The following ADAMTSL1 variants were observed in gnomAD, a reference collection of about 807,000 sequenced individuals.
The protein encoded by ADAMTSL1 is ADAMTS-like protein 1.
ADAMTSL1 carries 126 observed loss-of-function variants against 201.8 expected under a neutral mutation model. The ratio of observed to expected loss-of-function variants is 0.62; its 90% CI spans 0.54 to 0.72. The LOEUF is 0.72. Among genes scored for constraint, ADAMTSL1 ranks in the 30% least tolerant of loss-of-function variants. The pLI, the probability that ADAMTSL1 is intolerant of heterozygous loss-of-function variation, is 0.00. For synonymous variants in ADAMTSL1, 1,121 were observed against 903.4 expected, an observed-to-expected ratio of 1.24 and a Z score of -4.32; for missense variants, 2,679 against 2,277.8, an observed-to-expected ratio of 1.18 and a Z score of -3.59.
intron 7 of ADAMTSL1, among the ~76,000 whole-genome samples, chr9:18,644,977 T>C (rs1827699387): frequency 1.3e-5 from 2 of 152,102 alleles, no homozygotes; most frequent in Admixed American, 1.3e-4. Context: ...ACTTCCACAA[T>C]GGTTGCACTA....
intron 3 of ADAMTSL1, among the ~76,000 whole-genome samples, chr9:18,556,790 C>T (rs945300677): frequency 3.9e-5 from 6 of 152,026 alleles, no homozygotes; most frequent in Non-Finnish European, 7.4e-5. Flanking sequence ...ATATGTTAAG[C>T]CATTCATATG....
chr9:18,289,380 T>C (rs1443603700), intron 2 of ADAMTSL1, among the ~76,000 whole-genome samples: 1 of 152,212 alleles, frequency 6.6e-6, no homozygotes, highest in Non-Finnish European at 1.5e-5. Flanking sequence ...ACCAAGTAGC[T>C]GGGCATCTTG....
At chr9:18,257,038 C>G (rs185444442) in intron 2 of ADAMTSL1, among the ~76,000 whole-genome samples, 1 of 152,126 alleles carries the variant, frequency 6.6e-6, no homozygotes, top group Admixed American at 6.5e-5. Flanking sequence ...ATATCTTCAA[C>G]TTATCTTAAA....
intron 1 of ADAMTSL1, among the ~76,000 whole-genome samples, chr9:17,962,971 C>T (rs183662436): frequency 3.9e-5 from 6 of 152,368 alleles, no homozygotes; most frequent in East Asian, 3.9e-4. Flanking sequence ...TGTGTCAGGG[C>T]TTGGGGCCAG....
intron 15 of ADAMTSL1, among the ~76,000 whole-genome samples, chr9:18,726,790 T>C: frequency 6.6e-6 from 1 of 152,180 alleles, no homozygotes; most frequent in African/African-American, 2.4e-5. Flanking sequence ...TAAACTAAAC[T>C]TTTATTTCTG....
At chr9:18,568,074 A>G (rs1687874967) in intron 3 of ADAMTSL1, among the ~76,000 whole-genome samples, 1 of 152,184 alleles carries the variant, frequency 6.6e-6, no homozygotes, top group Admixed American at 6.5e-5. Flanking sequence ...ACCTGTTCTC[A>G]AACTGTGGGT....
chr9:18,622,338 G>A lies in ADAMTSL1; in HGVS notation c.570G>A (p.Gly190=), dbSNP rs1368353321. The stretch of plus-strand genomic sequence containing the variant: ...GGTCCACCTGCCGGCTGGTCCGAGG[G>A]CAGTATAAATCCCAGCTCTCCGCAA... ...GDGSTCRLVR[G]QYKSQLSATK... Residue 190 remains glycine (G), a synonymous_variant, in exon 5 of 29, where the codon GGG becomes GGA. Coordinates refer to ENST00000380548, the MANE Select transcript of ADAMTSL1 (RefSeq NM_001040272.6). The A allele has an allele frequency of 6.2e-7, 1 of 1,613,928 alleles. No individual in the cohort carries two copies. The highest frequency in any genetic ancestry group is 8.5e-7 in the Non-Finnish European group (1 of 1,179,968).
chr9:18,535,622 A>G (rs1819719673), intron 3 of ADAMTSL1, among the ~76,000 whole-genome samples: 1 of 152,212 alleles, frequency 6.6e-6, no homozygotes, highest in East Asian at 1.9e-4. Context: ...CTTTAAGAAC[A>G]TATGCAACAC....
rs764550974 is a variant in ADAMTSL1 at position 18,533,281 on chromosome 9, T to C, written c.226T>C (p.Cys76Arg). Reference sequence around the variant, plus strand: ...AGGAAGAAATATCCGATACAGAACATGCAGTAATGTGGTAAGTATAAGGTT... The same window carrying C: ...AGGAAGAAATATCCGATACAGAACACGCAGTAATGTGGTAAGTATAAGGTT... ...CEGRNIRYRTCSNVDCPPEAG... is the reference protein window; with the variant it reads ...CEGRNIRYRTRSNVDCPPEAG... Residue 76 changes from cysteine (C) to arginine (R), a missense_variant, in exon 3 of 29, where the codon TGC becomes CGC. Physicochemically the swap from Cys to Arg is radical, Grantham distance 180. Coordinates refer to ENST00000380548, the MANE Select transcript of ADAMTSL1 (RefSeq NM_001040272.6). The C allele has an allele frequency of 2.5e-6, 4 of 1,609,530 alleles. No individual in the cohort carries two copies. The South Asian group carries it at 3.3e-5, about 13-fold the overall frequency.
intron 1 of ADAMTSL1, among the ~76,000 whole-genome samples, chr9:18,483,980 T>C (rs1208449941): frequency 6.6e-6 from 1 of 152,248 alleles, no homozygotes; most frequent in Non-Finnish European, 1.5e-5. Context: ...TTTATCTTGT[T>C]TCCCTATTAA....
chr9:18,655,430 T>C (rs1024913887), intron 7 of ADAMTSL1, among the ~76,000 whole-genome samples: 2 of 152,256 alleles, frequency 1.3e-5, no homozygotes, highest in South Asian at 2.1e-4. Context: ...TTTATTAACA[T>C]AAGGAGGTCA....
chr9:18,200,694 C>G (rs971852469), intron 2 of ADAMTSL1, among the ~76,000 whole-genome samples: 1 of 151,856 alleles, frequency 6.6e-6, no homozygotes, highest in South Asian at 2.1e-4. Context: ...TAATAGAGTA[C>G]TGATTCAGAG....
At chr9:17,941,019 C>G (rs1827219874) in intron 1 of ADAMTSL1, among the ~76,000 whole-genome samples, 1 of 148,792 alleles carries the variant, frequency 6.7e-6, no homozygotes, top group African/African-American at 2.5e-5. Flanking sequence ...GGTTTTGATG[C>G]TGACTCTTTG....
At chr9:18,533,215 A>G in intron 2 of ADAMTSL1, 32 bp from the exon 3 acceptor site, 1 of 1,581,502 alleles carries the variant, frequency 6.3e-7, no homozygotes, top group Non-Finnish European at 8.6e-7. Context: ...TTTCATAAGT[A>G]GTAATATTTC....
chr9:18,158,107 A>G (rs1827233712), intron 1 of ADAMTSL1, among the ~76,000 whole-genome samples: 1 of 152,006 alleles, frequency 6.6e-6, no homozygotes, highest in African/African-American at 2.4e-5. Context: ...CTCTCTGTAT[A>G]AATGGCCAGT....
chr9:18,307,303 C>T (rs1017146307), intron 2 of ADAMTSL1, among the ~76,000 whole-genome samples: 1 of 152,112 alleles, frequency 6.6e-6, no homozygotes. Flanking sequence ...GGCAAAATAA[C>T]CAGCTACCAT....
intron 2 of ADAMTSL1, among the ~76,000 whole-genome samples, chr9:18,265,272 A>G (rs1003324185): frequency 6.6e-6 from 1 of 151,740 alleles, no homozygotes; most frequent in Non-Finnish European, 1.5e-5. Flanking sequence ...CTCTTCTGCC[A>G]GAGCTCTGCA....
chr9:18,304,170 C>T (rs1045138590), intron 2 of ADAMTSL1, among the ~76,000 whole-genome samples: 2 of 151,384 alleles, frequency 1.3e-5, no homozygotes, highest in South Asian at 4.2e-4. Context: ...TGTTACAGAA[C>T]ACTTTGTTCA....
In ADAMTSL1 at chr9:18,035,766, T is replaced by C. The variant is rs370166626; in HGVS notation, c.88-128096T>C. ...TTAAGCTCTATGAGGGCAGGTCTCATTGACTATTTCGTTATTACAATATAC... is the reference window on the plus strand; with the variant it reads ...TTAAGCTCTATGAGGGCAGGTCTCACTGACTATTTCGTTATTACAATATAC... On this transcript the variant is annotated intron_variant, in intron 1 of 29. Transcript: ENST00000680146. 5.3e-5 allele frequency among the ~76,000 whole-genome samples: 8 copies of C among 152,298 alleles called. No homozygotes were observed. The South Asian group carries it at 1.4e-3, about 28-fold the overall frequency.
Sources: gnomAD v4.1 joint callset for allele counts (sites outside exome capture counted in the v4.1 genomes callset) on GRCh38, gnomAD v4.1.1 for gene constraint, MANE v1.5 for transcripts, NCBI Gene and HGNC (gene_info 2026-07-23, HGNC 2026-07-21) for gene names.